Variants in TMSB15B observed in about 807,000 individuals in gnomAD.
TMSB15B encodes thymosin beta-15B.
chrX:103,934,938 C>A (rs782095533), intron 1 of TMSB15B, among the ~76,000 whole-genome samples: 2 of 112,243 alleles, frequency 1.8e-5, no homozygotes, highest in Non-Finnish European at 3.8e-5. Context: ...AATGGTTGAA[C>A]TAATTTATAC....
chrX:103,955,355 G>A (rs782030517), intron 1 of TMSB15B, among the ~76,000 whole-genome samples: 1 of 110,358 alleles, frequency 9.1e-6, no homozygotes, highest in Non-Finnish European at 1.9e-5. Flanking sequence ...GAGCTACAGG[G>A]GTACATTGTA....
At chrX:103,945,208 T>A (rs1279210655) in intron 1 of TMSB15B, among the ~76,000 whole-genome samples, 2 of 112,736 alleles carry the variant, frequency 1.8e-5, no homozygotes, top group African/African-American at 3.2e-5. Flanking sequence ...GCATAGTAGA[T>A]GCTTGTCTTC....
At chrX:103,934,218 CAT>C (rs1262878394) in intron 1 of TMSB15B, among the ~76,000 whole-genome samples, 2 of 111,412 alleles carry the variant, frequency 1.8e-5, no homozygotes, top group African/African-American at 6.5e-5. Flanking sequence ...TTAGCTCTCC[CAT>C]ATGAGTGAGG....
intron 1 of TMSB15B, among the ~76,000 whole-genome samples, chrX:103,951,117 T>A (rs1370008663): frequency 8.9e-6 from 1 of 111,870 alleles, no homozygotes; most frequent in Non-Finnish European, 1.9e-5. Flanking sequence ...ATTATCTGTG[T>A]CCTTATCTCT....
At chrX:103,952,470 A>G (rs1275565808) in intron 1 of TMSB15B, among the ~76,000 whole-genome samples, 1 of 111,035 alleles carries the variant, frequency 9.0e-6, no homozygotes, top group Non-Finnish European at 1.9e-5. Context: ...GAGAAAAATC[A>G]TCTGCTCCTT....
chrX:103,944,754 C>T (rs2075020964), intron 1 of TMSB15B, among the ~76,000 whole-genome samples: 1 of 112,165 alleles, frequency 8.9e-6, no homozygotes, highest in Admixed American at 9.4e-5. Context: ...TCCCACAGCA[C>T]TTTGTTCATA....
intron 1 of TMSB15B, chrX:103,919,425 C>G (rs1173030776): frequency 2.7e-5 from 3 of 112,439 alleles, no homozygotes; most frequent in Non-Finnish European, 3.8e-5. Context: ...AGTTCCTTAC[C>G]TTTGTATAGG....
intron 1 of TMSB15B, among the ~76,000 whole-genome samples, chrX:103,941,449 T>A (rs2075012556): frequency 8.9e-6 from 1 of 112,018 alleles, no homozygotes; most frequent in Admixed American, 9.4e-5. Flanking sequence ...CCATAATGTC[T>A]GTACCAACTT....
chrX:103,929,872 TTTA>T (rs782374335), intron 1 of TMSB15B, among the ~76,000 whole-genome samples: 2 of 110,107 alleles, frequency 1.8e-5, no homozygotes, highest in Non-Finnish European at 3.8e-5. Flanking sequence ...TTTATTTTAT[TTTA>T]TTATTATTAT....
rs569176768 is a variant in TMSB15B at position 103,944,892 on chromosome X, C to A, written c.-720-17129C>A. Among the ~76,000 whole-genome samples, 12 of 112,115 alleles carry A rather than the reference C, an allele frequency of 1.1e-4. No individual in the cohort carries two copies. In the Middle Eastern group the frequency reaches 0.018, roughly 172 times the overall value. On this transcript the variant is annotated intron_variant, in intron 1 of 3. Coordinates refer to the TMSB15B transcript ENST00000419165. ...CCCCTGGGTTCAAGCGATTCTCCTG[C>A]CTCAGCTTCTGAGTAGCTGGGACTA...
chrX:103,932,045 C>T (rs1214029665), intron 1 of TMSB15B: 1 of 112,187 alleles, frequency 8.9e-6, no homozygotes, highest in Non-Finnish European at 1.9e-5. Flanking sequence ...GCCCCTTCCC[C>T]AGTACCTCAC....
chrX:103,947,599 C>T (rs1243512096), intron 1 of TMSB15B, among the ~76,000 whole-genome samples: 2 of 112,037 alleles, frequency 1.8e-5, no homozygotes, highest in Non-Finnish European at 3.8e-5. Flanking sequence ...TACTAAAAGT[C>T]ATGTGTTTCC....
At chrX:103,926,523 G>T (rs1157972347) in intron 1 of TMSB15B, among the ~76,000 whole-genome samples, 1 of 95,859 alleles carries the variant, frequency 1.0e-5, no homozygotes, top group Admixed American at 1.1e-4. Flanking sequence ...GAGCAGGGGG[G>T]ATAGGATGGG....
At chrX:103,951,700 A>T (rs2075039618) in intron 1 of TMSB15B, among the ~76,000 whole-genome samples, 2 of 111,175 alleles carry the variant, frequency 1.8e-5, no homozygotes, top group Admixed American at 9.6e-5. Flanking sequence ...GAGGGGCAGG[A>T]TAGTGGAGGG....
At chrX:103,944,961 A>G (rs1341057560) in intron 1 of TMSB15B, among the ~76,000 whole-genome samples, 1 of 111,326 alleles carries the variant, frequency 9.0e-6, no homozygotes, top group African/African-American at 3.3e-5. Context: ...TATTTTTAGT[A>G]AAAACGAGGT....
intron 1 of TMSB15B, among the ~76,000 whole-genome samples, chrX:103,956,354 C>T (rs55920723): frequency 0.1 from 75 of 724 alleles, 9 homozygotes; most frequent in Non-Finnish European, 0.16. Flanking sequence ...GAGTGGCAAG[C>T]CAGATAAAGA....
chrX:103,944,449 G>C (rs1176823840), intron 1 of TMSB15B, among the ~76,000 whole-genome samples: 2 of 112,426 alleles, frequency 1.8e-5, no homozygotes, highest in Non-Finnish European at 3.8e-5. Flanking sequence ...TTGTGCTATA[G>C]TGCAAAACAA....
intron 1 of TMSB15B, among the ~76,000 whole-genome samples, chrX:103,940,703 G>T (rs1250511107): frequency 9.0e-6 from 1 of 110,686 alleles, no homozygotes; most frequent in Non-Finnish European, 1.9e-5. Context: ...CTTCACTGGG[G>T]TATGAAAAAC....
intron 1 of TMSB15B, among the ~76,000 whole-genome samples, chrX:103,936,424 G>C (rs2074998078): frequency 8.9e-6 from 1 of 111,791 alleles, no homozygotes; most frequent in Admixed American, 9.5e-5. Flanking sequence ...TTGTGAATGG[G>C]AGTTTGCTCA....
Sources: allele counts gnomAD v4.1 joint callset (sites outside exome capture counted in the v4.1 genomes callset), GRCh38; gene constraint gnomAD v4.1.1; transcripts MANE v1.5; gene names NCBI Gene and HGNC (gene_info 2026-07-23, HGNC 2026-07-21).